Variants in SPATA22 observed in about 807,000 individuals in gnomAD.
SPATA22 encodes the protein spermatogenesis-associated protein 22.
Under a neutral mutation model 47.8 loss-of-function variants are expected in SPATA22, and 29 were observed. The observed-to-expected ratio is 0.61, with a 90% confidence interval of 0.45 to 0.83. SPATA22 has a LOEUF of 0.83. Ranked by LOEUF, SPATA22 falls within the 40% of genes least tolerant of loss-of-function variation. SPATA22 has a pLI of 0.00. For synonymous variants in SPATA22, 133 were observed against 140.9 expected, an observed-to-expected ratio of 0.94 and a Z score of 0.40; for missense variants, 410 against 421.7, an observed-to-expected ratio of 0.97 and a Z score of 0.24.
Position 3,446,605 on chromosome 17 carries a change from T to C in SPATA22, c.673-4A>G, listed in dbSNP as rs746499137. The C allele has an allele frequency of 5.2e-6, 8 of 1,528,208 alleles. No individual in the cohort carries two copies. In the South Asian group the frequency reaches 8.6e-5, roughly 16 times the overall value. The allele number at this position is 1,528,208 out of a possible 1,614,324, so 94.7% of individuals were successfully genotyped here. A position where few individuals can be genotyped will look rare whatever the true frequency, so the allele number is the denominator to read the frequency against. On this transcript the variant is annotated splice_polypyrimidine_tract_variant and splice_region_variant and intron_variant, in intron 6 of 8. Coordinates refer to ENST00000572969, the MANE Select transcript of SPATA22 (RefSeq NM_001170698.2). ...GTAACTGATACAATGAGGTTTCCTTTTGAAAAAATAAGAAACATAGTATTA... is the reference window on the plus strand; with the variant it reads ...GTAACTGATACAATGAGGTTTCCTTCTGAAAAAATAAGAAACATAGTATTA...
chr17:3,473,468 T>C (rs1207861706), upstream of SPATA22, among the ~76,000 whole-genome samples: 4 of 152,208 alleles, frequency 2.6e-5, no homozygotes, highest in Non-Finnish European at 5.9e-5. Context: ...CAGCCATGAC[T>C]GTGAAGTAAA....
rs79922439 is a variant in SPATA22 at position 3,504,415 on chromosome 17, A to G, written c.-74+8997T>C. Among the ~76,000 whole-genome samples, 240 of 152,104 alleles carry G rather than the reference A, an allele frequency of 1.6e-3. 5 individuals carry two copies. The East Asian group carries it at 0.036, about 23-fold the overall frequency. ...TCTTCCTTCCCAGTCACCTCCTGAG[A>G]ACTGTCCCCATCACTCCCAAGTGAA... On this transcript the variant is annotated intron_variant, in intron 1 of 8. Coordinates refer to the SPATA22 transcript ENST00000541913.
intron 1 of SPATA22, among the ~76,000 whole-genome samples, chr17:3,504,952 G>T (rs1170554291): frequency 6.6e-6 from 1 of 152,118 alleles, no homozygotes; most frequent in Non-Finnish European, 1.5e-5. Flanking sequence ...CCTCACCACG[G>T]CTGTCCAAGT....
At position 3,448,918 on chromosome 17, in the gene SPATA22, T is replaced by C. The variant is rs894814075; in HGVS notation, c.561A>G (p.Thr187=). ...QTHSSKISGC[T]MRGLDKNSAL... ...CACTGTTTTTGTCTAGCCCTCTCAT[T>C]GTGCAGCCAGATATTTTTGATGAAT... The change falls in exon 6 of 9, where the codon ACA becomes ACG. Residue 187 remains threonine (T), a synonymous_variant. Transcript: ENST00000572969. 1.9e-6 allele frequency: 3 copies of C among 1,614,002 alleles called. No homozygotes were observed. The highest frequency in any genetic ancestry group is 2.5e-6 in the Non-Finnish European group (3 of 1,179,994).
intron 5 of SPATA22, among the ~76,000 whole-genome samples, chr17:3,451,016 G>C (rs375735706): frequency 1.6e-4 from 25 of 152,148 alleles, no homozygotes; most frequent in African/African-American, 5.8e-4. Context: ...GCCTATATGA[G>C]GAGAGGCTGA....
intron 1 of SPATA22, among the ~76,000 whole-genome samples, chr17:3,471,126 G>A (rs954937370): frequency 5.3e-5 from 8 of 151,972 alleles, no homozygotes; most frequent in African/African-American, 9.7e-5. Context: ...CTGCACTCCA[G>A]CCTGGGCGAC....
chr17:3,482,872 G>A (rs1257903571), intron 1 of SPATA22, among the ~76,000 whole-genome samples: 4 of 150,554 alleles, frequency 2.7e-5, no homozygotes, highest in East Asian at 3.9e-4. Flanking sequence ...CATGTGCCAT[G>A]TTGGTGTGCC....
At chr17:3,448,415 G>A (rs892498909) in intron 6 of SPATA22, among the ~76,000 whole-genome samples, 3 of 152,142 alleles carry the variant, frequency 2.0e-5, no homozygotes, top group Admixed American at 6.5e-5. Flanking sequence ...GAGACAGTAC[G>A]GCCCATAAAG....
At chr17:3,448,189 T>G (rs1194055108) in intron 6 of SPATA22, among the ~76,000 whole-genome samples, 1 of 152,172 alleles carries the variant, frequency 6.6e-6, no homozygotes, top group East Asian at 1.9e-4. Flanking sequence ...CTATGAAATA[T>G]GAGGCTACAA....
chr17:3,444,385 C>G (rs1377578993), intron 7 of SPATA22, among the ~76,000 whole-genome samples: 2 of 151,900 alleles, frequency 1.3e-5, no homozygotes, highest in African/African-American at 4.8e-5. Context: ...GGCATGTTAC[C>G]AAGTCAGAAA....
intron 6 of SPATA22, among the ~76,000 whole-genome samples, chr17:3,446,916 C>T (rs571477733): frequency 5.9e-5 from 9 of 152,224 alleles, no homozygotes; most frequent in South Asian, 4.1e-4. Flanking sequence ...CCATTCCTTT[C>T]CCTAGTGCAC....
At chr17:3,476,411 G>A, upstream of SPATA22, 1 of 1,606,636 alleles carries the variant, frequency 6.2e-7, no homozygotes, top group Non-Finnish European at 8.5e-7. Context: ...ACTATGCTTT[G>A]TATTGTATAT....
rs139449496 is a variant in SPATA22, at chr17:3,483,203, A to G, written c.-73-13805T>C. ...TGATGAAACAAAAATCACCACATCC[A>G]TTAAGAAAGAACATTTATTTCATGT... On this transcript the variant is annotated intron_variant, in intron 1 of 8. Coordinates refer to the SPATA22 transcript ENST00000541913. Among the ~76,000 whole-genome samples the G allele has an allele frequency of 3.6e-3, 551 of 152,246 alleles. 5 individuals are homozygous for G. The highest frequency in any genetic ancestry group is 0.012 in the African/African-American group (503 of 41,552).
intron 3 of SPATA22, among the ~76,000 whole-genome samples, chr17:3,464,285 A>T (rs1253189675): frequency 6.6e-6 from 1 of 151,174 alleles, no homozygotes; most frequent in Non-Finnish European, 1.5e-5. Context: ...CTCAGTGCTC[A>T]ATGGTGCCCA....
At chr17:3,480,046 T>TAC (rs3037735) in intron 1 of SPATA22, among the ~76,000 whole-genome samples, 108,766 of 151,762 alleles carry the variant, frequency 0.72, 39,419 homozygotes, top group Non-Finnish European at 0.78. Context: ...TTGGAGAGGT[T>TAC]AGACTCTGAA....
chr17:3,457,039 G>A (rs1386638114), intron 5 of SPATA22, among the ~76,000 whole-genome samples: 4 of 152,028 alleles, frequency 2.6e-5, no homozygotes, highest in Non-Finnish European at 5.9e-5. Context: ...GGTATTGATG[G>A]GATGTATCTC....
intron 1 of SPATA22, chr17:3,498,827 T>A (rs1009128846): frequency 1.5e-6 from 2 of 1,368,740 alleles, no homozygotes; most frequent in Non-Finnish European, 1.9e-6. Context: ...GTCTAGAGTC[T>A]GACATAAATT....
chr17:3,493,998 A>T (rs1330599842), intron 1 of SPATA22, among the ~76,000 whole-genome samples: 2 of 148,932 alleles, frequency 1.3e-5, no homozygotes, highest in Non-Finnish European at 3.0e-5. Context: ...TGTTGTTATT[A>T]TTGTTTCTTC....
At position 3,471,665 on chromosome 17, in the gene SPATA22, G is replaced by T. The variant is rs1460116828; in HGVS notation, c.-74+17C>A. On this transcript the variant is annotated intron_variant, in intron 1 of 8. Coordinates refer to ENST00000572969, the MANE Select transcript of SPATA22 (RefSeq NM_001170698.2). ...CTGACCCGCCCACGGAGTGGGGGCA[G>T]TTTGGTATCAACGCACAGTCTTTCC... The T allele has an allele frequency of 1.0e-6, 1 of 982,742 alleles. No homozygotes were observed. The highest frequency in any genetic ancestry group is 1.2e-6 in the Non-Finnish European group (1 of 829,926). The allele number at this position is 982,742 out of a possible 1,614,324, so 60.9% of individuals were successfully genotyped here.
Sources: allele counts gnomAD v4.1 joint callset (sites outside exome capture counted in the v4.1 genomes callset), GRCh38; gene constraint gnomAD v4.1.1; transcripts MANE v1.5; gene names NCBI Gene and HGNC (gene_info 2026-07-23, HGNC 2026-07-21).